The following HIVEP2 variants were observed in gnomAD, a reference collection of about 807,000 sequenced individuals.
HIVEP2 encodes transcription factor HIVEP2.
HIVEP2 carries 14 observed loss-of-function variants against 180.7 expected under a neutral mutation model. That is an observed-to-expected ratio of 0.08 (90% CI 0.05 to 0.12). The LOEUF is 0.12. Ranked by LOEUF, HIVEP2 falls within the 10% of genes least tolerant of loss-of-function variation. HIVEP2 has a pLI of 1.00. For synonymous variants in HIVEP2, 1,184 were observed against 1,136.4 expected (o/e 1.04, Z -0.84); for missense variants, 2,579 against 3,008.5 (o/e 0.86, Z 3.34).
intron 1 of HIVEP2, among the ~76,000 whole-genome samples, chr6:142,902,199 C>A (rs897409914): frequency 2.0e-5 from 3 of 152,100 alleles, no homozygotes; most frequent in African/African-American, 7.2e-5. Context: ...AATGGAAAAA[C>A]CTGGCAGAGT....
At chr6:142,803,311 A>G (rs1431523966) in intron 2 of HIVEP2, among the ~76,000 whole-genome samples, 1 of 152,178 alleles carries the variant, frequency 6.6e-6, no homozygotes, top group Non-Finnish European at 1.5e-5. Flanking sequence ...CTTTCAAAAT[A>G]GATTTATTTC....
At chr6:142,790,480 A>G (rs1238330372) in intron 2 of HIVEP2, among the ~76,000 whole-genome samples, 1 of 152,262 alleles carries the variant, frequency 6.6e-6, no homozygotes, top group Non-Finnish European at 1.5e-5. Context: ...TAAAAGCAAA[A>G]AAGGTGTATT....
At chr6:142,871,997 G>A (rs151253360) in intron 1 of HIVEP2, among the ~76,000 whole-genome samples, 7 of 152,254 alleles carry the variant, frequency 4.6e-5, no homozygotes, top group South Asian at 2.1e-4. Context: ...ACAGGGAACA[G>A]TCCTCAGAAA....
At chr6:142,871,045 C>G (rs1776279818) in intron 1 of HIVEP2, among the ~76,000 whole-genome samples, 1 of 152,176 alleles carries the variant, frequency 6.6e-6, no homozygotes, top group African/African-American at 2.4e-5. Context: ...GTGAAACCGA[C>G]ATTTTGCCTA....
At chr6:142,932,901 G>A (rs1777973732) in intron 1 of HIVEP2, among the ~76,000 whole-genome samples, 1 of 152,162 alleles carries the variant, frequency 6.6e-6, no homozygotes, top group Admixed American at 6.5e-5. Context: ...AGAGTGTCCT[G>A]TCACCAGTTG....
intron 1 of HIVEP2, among the ~76,000 whole-genome samples, chr6:142,852,326 ACT>A (rs1321875859): frequency 2.0e-5 from 3 of 151,902 alleles, no homozygotes; most frequent in African/African-American, 4.8e-5. Flanking sequence ...CTCACAATAA[ACT>A]CTTTTTTTCT....
At chr6:142,804,938 T>C (rs1776510102) in intron 2 of HIVEP2, among the ~76,000 whole-genome samples, 2 of 152,176 alleles carry the variant, frequency 1.3e-5, no homozygotes, top group South Asian at 2.1e-4. Flanking sequence ...ATCCTTTCAA[T>C]TGGATTCCAC....
At chr6:142,801,104 C>G (rs1653693337) in intron 2 of HIVEP2, among the ~76,000 whole-genome samples, 1 of 146,062 alleles carries the variant, frequency 6.8e-6, no homozygotes, top group South Asian at 2.2e-4. Flanking sequence ...CTTGCCCTGT[C>G]TATTCAGTTC....
At chr6:142,938,982 T>A (rs1562298949) in intron 1 of HIVEP2, among the ~76,000 whole-genome samples, 1 of 152,280 alleles carries the variant, frequency 6.6e-6, no homozygotes, top group East Asian at 1.9e-4. Context: ...TATACATGTA[T>A]CCCTAAAAAT....
chr6:142,850,328 A>G (rs1479485875), intron 1 of HIVEP2, among the ~76,000 whole-genome samples: 1 of 152,214 alleles, frequency 6.6e-6, no homozygotes, highest in Non-Finnish European at 1.5e-5. Flanking sequence ...TGTTAATATA[A>G]AAGTTCAAAT....
intron 1 of HIVEP2, among the ~76,000 whole-genome samples, chr6:142,846,112 G>A (rs1200893642): frequency 6.6e-6 from 1 of 152,224 alleles, no homozygotes; most frequent in Non-Finnish European, 1.5e-5. Flanking sequence ...GGCCCTGGGA[G>A]GCTGGCCAGC....
intron 2 of HIVEP2, among the ~76,000 whole-genome samples, chr6:142,824,138 C>T (rs888737291): frequency 2.0e-5 from 3 of 151,812 alleles, no homozygotes; most frequent in African/African-American, 7.3e-5. Context: ...ATGTTGACAC[C>T]TTAGTATATA....
At chr6:142,849,036 T>C (rs1039538406) in intron 1 of HIVEP2, among the ~76,000 whole-genome samples, 3 of 152,252 alleles carry the variant, frequency 2.0e-5, no homozygotes, top group African/African-American at 7.2e-5. Flanking sequence ...TATTTTTTCC[T>C]ATTTCAATAT....
chr6:142,881,091 T>A (rs947606634), intron 1 of HIVEP2, among the ~76,000 whole-genome samples: 1 of 152,242 alleles, frequency 6.6e-6, no homozygotes, highest in Admixed American at 6.5e-5. Context: ...TTTTACTGTA[T>A]GTTTCTGAAC....
chr6:142,813,827 A>G lies in HIVEP2; in HGVS notation c.-528+23108T>C, dbSNP rs544132076. Among the ~76,000 whole-genome samples, 11 of 151,892 alleles carry G rather than the reference A, an allele frequency of 7.2e-5. No individual in the cohort carries two copies. In the South Asian group the frequency reaches 1.3e-3, roughly 17 times the overall value. Reference sequence around the variant, plus strand: ...AGGATCCTTCTGCCTCAGCCTCCCAAAGTGCTGGGATTACAGGCATGAGCC... The same window carrying G: ...AGGATCCTTCTGCCTCAGCCTCCCAGAGTGCTGGGATTACAGGCATGAGCC... On this transcript the variant is annotated intron_variant, in intron 2 of 9. Transcript: ENST00000367603.
intron 1 of HIVEP2, among the ~76,000 whole-genome samples, chr6:142,846,959 T>C (rs1172488354): frequency 6.6e-6 from 1 of 152,212 alleles, no homozygotes; most frequent in African/African-American, 2.4e-5. Flanking sequence ...CTTCTGCCCC[T>C]GAAGCGACTG....
intron 1 of HIVEP2, among the ~76,000 whole-genome samples, chr6:142,842,499 TA>T (rs1775391566): frequency 2.0e-5 from 3 of 152,164 alleles, no homozygotes; most frequent in African/African-American, 7.2e-5. Flanking sequence ...CGTCTGTGTG[TA>T]GATAGGCAAA....
intron 1 of HIVEP2, among the ~76,000 whole-genome samples, chr6:142,927,556 T>C (rs934388024): frequency 5.9e-5 from 9 of 152,218 alleles, no homozygotes; most frequent in African/African-American, 1.9e-4. Context: ...GTTTTCATTA[T>C]GAAAACACCC....
intron 1 of HIVEP2, among the ~76,000 whole-genome samples, chr6:142,897,327 T>C (rs1777026043): frequency 6.6e-6 from 1 of 152,154 alleles, no homozygotes; most frequent in South Asian, 2.1e-4. Flanking sequence ...AGGCACGCGG[T>C]AATAACTACT....
Sources: gnomAD v4.1 joint callset for allele counts (sites outside exome capture counted in the v4.1 genomes callset) on GRCh38, gnomAD v4.1.1 for gene constraint, MANE v1.5 for transcripts, NCBI Gene and HGNC (gene_info 2026-07-23, HGNC 2026-07-21) for gene names.